The following EMILIN2 variants were observed in gnomAD, a reference collection of about 807,000 sequenced individuals.
EMILIN2 encodes the protein EMILIN-2.
In EMILIN2, 71 loss-of-function variants were observed where a neutral mutation model predicts 87.1. That is an observed-to-expected ratio of 0.82 (90% CI 0.67 to 0.99). The LOEUF is 0.99. Ranked by LOEUF, EMILIN2 falls within the 50% of genes least tolerant of loss-of-function variation. The probability of loss-of-function intolerance (pLI) is 0.00; values close to 1 mark genes in which losing one functional copy is unlikely to be tolerated. For missense variants in EMILIN2, 1,407 were observed against 1,371.8 expected (o/e 1.03, Z -0.40); for synonymous variants, 581 against 563.4 (o/e 1.03, Z -0.44).
At chr18:2,858,288 T>G (rs1223340623) in intron 2 of EMILIN2, among the ~76,000 whole-genome samples, 1 of 151,392 alleles carries the variant, frequency 6.6e-6, no homozygotes, top group African/African-American at 2.4e-5. Flanking sequence ...GAACCCAATT[T>G]GTAGTTTTTT....
At chr18:2,868,340 T>C (rs1313327445) in intron 2 of EMILIN2, among the ~76,000 whole-genome samples, 6 of 151,144 alleles carry the variant, frequency 4.0e-5, no homozygotes, top group Non-Finnish European at 8.8e-5. Context: ...GAGGGGCTCC[T>C]CACATCCCAG....
intron 5 of EMILIN2, among the ~76,000 whole-genome samples, chr18:2,907,330 T>C (rs1220122066): frequency 6.6e-6 from 1 of 152,164 alleles, no homozygotes; most frequent in Non-Finnish European, 1.5e-5. Flanking sequence ...GCCCCGCCGG[T>C]TGGAGTACGA....
At chr18:2,913,002 C>T (rs567019274) in intron 7 of EMILIN2, 65 bp from the exon 8 acceptor site, 19 of 1,556,534 alleles carry the variant, frequency 1.2e-5, no homozygotes, top group Non-Finnish European at 1.6e-5. Context: ...TGGGGGGCCA[C>T]TTACTACCAT....
intron 4 of EMILIN2, among the ~76,000 whole-genome samples, chr18:2,903,020 C>T (rs1199138594): frequency 1.3e-5 from 2 of 152,004 alleles, no homozygotes; most frequent in African/African-American, 4.8e-5. Flanking sequence ...ACTAACTTAT[C>T]GAGGGTTGAA....
intron 2 of EMILIN2, among the ~76,000 whole-genome samples, chr18:2,883,227 G>GATGTCAACGGTCCCTCAC (rs1555667892): frequency 6.6e-6 from 1 of 151,430 alleles, no homozygotes; most frequent in Non-Finnish European, 1.5e-5. Context: ...CCTCGGGGAG[G>GATGTCAACGGTCCCTCAC]ATGTCAAAGG....
Position 2,890,641 on chromosome 18 carries a change from C to G in EMILIN2, c.514C>G (p.Pro172Ala). 6.2e-7 allele frequency: 1 copy of G among 1,613,916 alleles called. No individual in the cohort carries two copies. The highest frequency in any genetic ancestry group is 1.7e-5 in the Admixed American group (1 of 60,002). Residue 172 changes from proline to alanine, a missense_variant, in exon 4 of 8, where the codon CCA (proline) becomes GCA (alanine). Transcript: ENST00000254528. The surrounding 1 kb of genome is among the most constrained non-coding windows in gnomAD (Gnocchi z 4.7). ...AGCACAACCAAGCTGGGGGGTAGAT[C>G]CAAAAGAGGGGCCTCAGGAACTTCA... ...GTAQPSWGVD[P>A]KEGPQELQEK... is the part of the protein sequence containing the mutation.
At chr18:2,908,432 CACCT>C (rs1358909881) in intron 5 of EMILIN2, among the ~76,000 whole-genome samples, 1 of 152,228 alleles carries the variant, frequency 6.6e-6, no homozygotes. Flanking sequence ...TCTGTCCACC[CACCT>C]ATGCATGTGC....
intron 4 of EMILIN2, among the ~76,000 whole-genome samples, chr18:2,896,901 C>T (rs1444746728): frequency 6.6e-6 from 1 of 152,084 alleles, no homozygotes; most frequent in Non-Finnish European, 1.5e-5. Context: ...CTTTGCGAGG[C>T]TCAGACGGGT....
chr18:2,873,905 C>T (rs1245662538), intron 2 of EMILIN2, among the ~76,000 whole-genome samples: 1 of 152,104 alleles, frequency 6.6e-6, no homozygotes, highest in Admixed American at 6.6e-5. Context: ...AAGTTCTGCG[C>T]TAGCTCTCTG....
chr18:2,855,193 A>C (rs1018558748), intron 2 of EMILIN2, among the ~76,000 whole-genome samples: 1 of 152,126 alleles, frequency 6.6e-6, no homozygotes, highest in Admixed American at 6.5e-5. Context: ...GCTCCCTAGA[A>C]TCTCCAGACC....
Position 2,908,126 on chromosome 18 carries a change from G to A in EMILIN2, c.2663-817G>A, listed in dbSNP as rs190937619. ...CGGTGATCACAGCTCTTAAGCAGAT[G>A]TCCTGCATTTTCTAAGATAACACTT... On this transcript the variant is annotated intron_variant, in intron 5 of 7. Transcript: ENST00000254528. Among the ~76,000 whole-genome samples, 372 of 152,292 alleles carry A rather than the reference G, an allele frequency of 2.4e-3. 2 individuals are homozygous for A. The highest frequency in any genetic ancestry group is 8.8e-3 in the African/African-American group (365 of 41,552).
At chr18:2,905,893 G>A (rs2076909368) in intron 4 of EMILIN2, among the ~76,000 whole-genome samples, 2 of 151,980 alleles carry the variant, frequency 1.3e-5, no homozygotes, top group African/African-American at 4.8e-5. Flanking sequence ...CAAAGTGCTG[G>A]GATTACGGGC....
intron 5 of EMILIN2, among the ~76,000 whole-genome samples, chr18:2,908,468 C>T (rs1421816574): frequency 6.6e-6 from 1 of 152,336 alleles, no homozygotes; most frequent in East Asian, 1.9e-4. Flanking sequence ...CACATCAAGC[C>T]GTGCACTCTT....
rs2076826322 is a variant in EMILIN2 at position 2,890,005 on chromosome 18, G to A, written c.434-556G>A. On this transcript the variant is annotated intron_variant, in intron 3 of 7. Transcript: ENST00000254528. The surrounding 1 kb of genome is among the most constrained non-coding windows in gnomAD (Gnocchi z 4.7). Reference sequence around the variant, plus strand: ...TTTGAGCACAGAGATGTTAATGAAAGTAAAGGACAAAACATTCAGGCACTG... The same window carrying A: ...TTTGAGCACAGAGATGTTAATGAAAATAAAGGACAAAACATTCAGGCACTG... 6.6e-6 allele frequency among the ~76,000 whole-genome samples: 1 copy of A among 152,160 alleles called. No homozygotes were observed. The highest frequency in any genetic ancestry group is 2.4e-5 in the African/African-American group (1 of 41,436).
intron 2 of EMILIN2, among the ~76,000 whole-genome samples, chr18:2,879,648 G>C (rs2076767044): frequency 6.6e-6 from 1 of 151,908 alleles, no homozygotes; most frequent in South Asian, 2.1e-4. Context: ...GCGACAGAGA[G>C]AGACTCCGTC....
At chr18:2,862,942 A>G (rs1168523572) in intron 2 of EMILIN2, among the ~76,000 whole-genome samples, 6 of 152,144 alleles carry the variant, frequency 3.9e-5, no homozygotes, top group Non-Finnish European at 7.3e-5. Flanking sequence ...TTCCTGGTTT[A>G]GTCTTGGGAG....
In EMILIN2 at chr18:2,913,634, ACAAC is replaced by A; in HGVS notation, c.*231_*234del. ...CTGACTTTTCTGCCACTCTAACTGG[ACAAC>A]TGGAAGACTTGGAAAGGCCTCCACC... On this transcript the variant is annotated 3_prime_UTR_variant, in exon 8 of 8. Transcript: ENST00000254528. 4.0e-6 allele frequency: 2 copies of A among 501,172 alleles called. No individual in the cohort carries two copies. Among genetic ancestry groups the A allele is most frequent in the East Asian group, 3.5e-5 (1 of 28,370 alleles). The allele number at this position is 501,172 out of a possible 1,614,324, so 31.0% of individuals were successfully genotyped here.
chr18:2,892,724 T>C (rs141478922), intron 4 of EMILIN2, among the ~76,000 whole-genome samples: 131 of 151,708 alleles, frequency 8.6e-4, no homozygotes, highest in Middle Eastern at 3.4e-3. Flanking sequence ...AAGATAAATA[T>C]ATATTCTCAG....
At chr18:2,907,289 T>G (rs1032064559) in intron 5 of EMILIN2, among the ~76,000 whole-genome samples, 1 of 152,178 alleles carries the variant, frequency 6.6e-6, no homozygotes, top group African/African-American at 2.4e-5. Context: ...TCAGGGACAG[T>G]GCAGTCGTCT....
Sources: gnomAD v4.1 joint callset for allele counts (sites outside exome capture counted in the v4.1 genomes callset) on GRCh38, gnomAD v4.1.1 for gene constraint, Gnocchi (gnomAD v3.1) non-coding constraint, MANE v1.5 for transcripts, NCBI Gene and HGNC (gene_info 2026-07-23, HGNC 2026-07-21) for gene names.